NDST3: variants seen among roughly 807,000 people sequenced by gnomAD.
NDST3 encodes N-deacetylase and N-sulfotransferase 3.
In NDST3, 58 loss-of-function variants were observed where a neutral mutation model predicts 96.1. The observed-to-expected ratio is 0.60, with a 90% CI of 0.49 to 0.75. The LOEUF (loss-of-function observed/expected upper bound fraction) is 0.75. NDST3 is among the 30% of genes least tolerant of loss of function. The pLI, the probability that NDST3 is intolerant of heterozygous loss-of-function variation, is 0.00. For missense variants in NDST3, 788 were observed against 1,034.2 expected, an observed-to-expected ratio of 0.76 and a Z score of 3.27; for synonymous variants, 333 against 359.7, an observed-to-expected ratio of 0.93 and a Z score of 0.84.
At chr4:118,229,256 G>A (rs970170101) in intron 8 of NDST3, among the ~76,000 whole-genome samples, 3 of 152,294 alleles carry the variant, frequency 2.0e-5, no homozygotes, top group Admixed American at 1.3e-4. Context: ...AGCCAAGATC[G>A]CATCACTGCA....
chr4:118,126,633 A>G (rs768335261), intron 4 of NDST3, among the ~76,000 whole-genome samples: 4 of 151,686 alleles, frequency 2.6e-5, no homozygotes, highest in Non-Finnish European at 5.9e-5. Context: ...TGGCTATTGT[A>G]AACAGTGCTG....
intron 5 of NDST3, among the ~76,000 whole-genome samples, chr4:118,142,453 T>TAA (rs1470768827): frequency 6.6e-6 from 1 of 151,544 alleles, no homozygotes; most frequent in Non-Finnish European, 1.5e-5. Context: ...AAATAAAAAA[T>TAA]AAAAATAAAA....
chr4:118,132,796 A>G (rs925171106), intron 4 of NDST3, among the ~76,000 whole-genome samples: 2 of 152,050 alleles, frequency 1.3e-5, no homozygotes, highest in Non-Finnish European at 2.9e-5. Context: ...CCAAGACTGG[A>G]TCTTTCTCTT....
chr4:118,040,440 T>G (rs1413538918), intron 1 of NDST3, among the ~76,000 whole-genome samples: 1 of 151,742 alleles, frequency 6.6e-6, no homozygotes, highest in Non-Finnish European at 1.5e-5. Context: ...TTGAGCCTCT[T>G]TCTTTCTTTC....
At chr4:118,087,514 C>A (rs1728525088) in intron 2 of NDST3, among the ~76,000 whole-genome samples, 1 of 152,102 alleles carries the variant, frequency 6.6e-6, no homozygotes, top group Admixed American at 6.6e-5. Flanking sequence ...ACACACATTT[C>A]TCTCAGCTGT....
At chr4:118,191,520 T>C (rs1737302908) in intron 6 of NDST3, among the ~76,000 whole-genome samples, 1 of 152,202 alleles carries the variant, frequency 6.6e-6, no homozygotes, top group Non-Finnish European at 1.5e-5. Context: ...GAAAGCATTC[T>C]CTAGGCCTGG....
chr4:118,233,619 C>T (rs567195227), intron 9 of NDST3, among the ~76,000 whole-genome samples: 131 of 152,122 alleles, frequency 8.6e-4, no homozygotes, highest in African/African-American at 3.0e-3. Flanking sequence ...AAAAAACTAT[C>T]AACAATACAC....
At chr4:118,122,077 C>G (rs1731632643) in intron 4 of NDST3, among the ~76,000 whole-genome samples, 1 of 152,114 alleles carries the variant, frequency 6.6e-6, no homozygotes, top group South Asian at 2.1e-4. Context: ...TATCTGGTAA[C>G]TTAAACGATT....
chr4:118,249,927 G>A lies in NDST3; in HGVS notation c.2400-3572G>A, dbSNP rs112107127. 1.8e-4 allele frequency among the ~76,000 whole-genome samples: 28 copies of A among 152,210 alleles called. 1 individual carries two copies. The highest frequency in any genetic ancestry group is 3.4e-3 in the Middle Eastern group (1 of 294). On this transcript the variant is annotated intron_variant, in intron 12 of 13. Transcript: ENST00000296499. ...AATCCAAAAAATTTAATCATGCTCC[G>A]CTGTAGTCAACACTTTCTACTCACC...
intron 12 of NDST3, among the ~76,000 whole-genome samples, chr4:118,247,552 A>G (rs1027707645): frequency 1.3e-5 from 2 of 150,006 alleles, no homozygotes; most frequent in Non-Finnish European, 3.0e-5. Context: ...AACTCTGTCT[A>G]AAAAAAAAGA....
At chr4:118,185,706 T>C (rs1419627794) in intron 6 of NDST3, among the ~76,000 whole-genome samples, 3 of 152,074 alleles carry the variant, frequency 2.0e-5, no homozygotes, top group East Asian at 3.9e-4. Flanking sequence ...AACAGCCAGA[T>C]TGGTTGGTTA....
intron 6 of NDST3, among the ~76,000 whole-genome samples, chr4:118,182,439 T>C (rs1471377302): frequency 6.6e-6 from 1 of 152,158 alleles, no homozygotes; most frequent in African/African-American, 2.4e-5. Flanking sequence ...ACAGTATTTA[T>C]GTAAATGGTA....
chr4:118,135,196 C>T (rs1732972280), intron 4 of NDST3, among the ~76,000 whole-genome samples: 1 of 152,132 alleles, frequency 6.6e-6, no homozygotes, highest in African/African-American at 2.4e-5. Context: ...AACTGAATGA[C>T]TCACAAGCTG....
rs183681721 is a variant in NDST3 at position 118,136,468 on chromosome 4, T to C, written c.1225-1586T>C. Among the ~76,000 whole-genome samples the C allele has an allele frequency of 5.6e-3, 840 of 150,934 alleles. 8 individuals carry two copies. The highest frequency in any genetic ancestry group is 0.02 in the African/African-American group (807 of 40,316). On this transcript the variant is annotated intron_variant, in intron 4 of 13. Transcript: ENST00000296499. Reference sequence around the variant, plus strand: ...ATAAGGGATGTCTAGTGGGAAAAAATTAGTTTAGTTTGAGTTTTTAAAAAC... The same window carrying C: ...ATAAGGGATGTCTAGTGGGAAAAAACTAGTTTAGTTTGAGTTTTTAAAAAC...
chr4:118,149,362 C>T (rs973739066), intron 6 of NDST3, among the ~76,000 whole-genome samples: 26 of 152,144 alleles, frequency 1.7e-4, no homozygotes, highest in African/African-American at 2.2e-4. Context: ...GCCATTTTCA[C>T]GATATTGATT....
At chr4:118,086,642 T>C (rs758963974) in intron 2 of NDST3, among the ~76,000 whole-genome samples, 8 of 152,134 alleles carry the variant, frequency 5.3e-5, no homozygotes, top group Non-Finnish European at 7.3e-5. Context: ...AAAATCACAA[T>C]AGAGCACTTT....
intron 2 of NDST3, among the ~76,000 whole-genome samples, chr4:118,071,193 T>C (rs1727041700): frequency 6.6e-6 from 1 of 152,126 alleles, no homozygotes; most frequent in Admixed American, 6.6e-5. Flanking sequence ...TACGTGTGCA[T>C]GTGTCTTTAT....
chr4:118,176,525 T>C (rs993609468), intron 6 of NDST3, among the ~76,000 whole-genome samples: 6 of 152,090 alleles, frequency 3.9e-5, no homozygotes, highest in African/African-American at 1.4e-4. Flanking sequence ...TATGAATCCA[T>C]TGCACGTGAT....
At chr4:118,064,011 T>A (rs958330643) in intron 2 of NDST3, among the ~76,000 whole-genome samples, 9 of 152,190 alleles carry the variant, frequency 5.9e-5, no homozygotes, top group Admixed American at 3.9e-4. Context: ...AGCTTTGCCC[T>A]AGATTTACCG....
Sources: allele counts gnomAD v4.1 joint callset (sites outside exome capture counted in the v4.1 genomes callset), GRCh38; gene constraint gnomAD v4.1.1; transcripts MANE v1.5; gene names NCBI Gene and HGNC (gene_info 2026-07-23, HGNC 2026-07-21).